The following TNS3 variants were observed in gnomAD, a reference collection of about 807,000 sequenced individuals.
The protein encoded by TNS3 is tensin 3.
A neutral mutation model predicts 140.9 loss-of-function variants in TNS3; 45 were observed. The observed-to-expected ratio is 0.32, with a 90% CI of 0.25 to 0.41. TNS3 has a LOEUF of 0.41. Among genes scored for constraint, TNS3 ranks in the 10% least tolerant of loss-of-function variants. The pLI is 1.00. For synonymous variants in TNS3, 815 were observed against 788.4 expected (o/e 1.03, Z -0.56); for missense variants, 1,716 against 1,906.7 (o/e 0.90, Z 1.86).
chr7:47,383,701 C>T (rs894780968), intron 16 of TNS3, among the ~76,000 whole-genome samples: 2 of 152,170 alleles, frequency 1.3e-5, no homozygotes, highest in Admixed American at 1.3e-4. Context: ...CAGAGGCAGG[C>T]TCTGACCCCA....
At chr7:47,389,542 G>C (rs901418424) in intron 16 of TNS3, among the ~76,000 whole-genome samples, 1 of 152,164 alleles carries the variant, frequency 6.6e-6, no homozygotes, top group Non-Finnish European at 1.5e-5. Flanking sequence ...GAAAAGTAAC[G>C]AACACTTAAT....
At chr7:47,359,593 T>C (rs952278008) in intron 17 of TNS3, among the ~76,000 whole-genome samples, 2 of 152,238 alleles carry the variant, frequency 1.3e-5, no homozygotes, top group African/African-American at 4.8e-5. Flanking sequence ...GAGTATTTTT[T>C]AAACCTGAGG....
At chr7:47,440,791 G>A (rs532520818) in intron 5 of TNS3, among the ~76,000 whole-genome samples, 9 of 152,330 alleles carry the variant, frequency 5.9e-5, no homozygotes, top group East Asian at 3.9e-4. Context: ...TGCACGGGAC[G>A]TGTCCTTAAG....
At chr7:47,558,622 C>G (rs182047246) in intron 1 of TNS3, among the ~76,000 whole-genome samples, 1 of 152,102 alleles carries the variant, frequency 6.6e-6, no homozygotes, top group East Asian at 1.9e-4. Context: ...CCTGTTTCGT[C>G]GATGGAAAAA....
intron 20 of TNS3, among the ~76,000 whole-genome samples, chr7:47,319,105 T>C (rs1787580683): frequency 6.6e-6 from 1 of 152,216 alleles, no homozygotes; most frequent in African/African-American, 2.4e-5. Context: ...GATCATCATT[T>C]TGTCCTACAA....
At chr7:47,413,643 A>G (rs62446319) in intron 12 of TNS3, among the ~76,000 whole-genome samples, 4,928 of 151,964 alleles carry the variant, frequency 0.032, 107 homozygotes, top group Non-Finnish European at 0.052. Flanking sequence ...ACCATACTCC[A>G]AAAAGCAAAT....
intron 20 of TNS3, among the ~76,000 whole-genome samples, chr7:47,343,158 C>T (rs982364184): frequency 6.6e-6 from 1 of 152,190 alleles, no homozygotes; most frequent in African/African-American, 2.4e-5. Context: ...GCAGAGCCAT[C>T]CTCATCCACA....
At chr7:47,408,450 G>A (rs972947525) in intron 13 of TNS3, among the ~76,000 whole-genome samples, 1 of 151,978 alleles carries the variant, frequency 6.6e-6, no homozygotes, top group Admixed American at 6.5e-5. Context: ...ACCATGGGGA[G>A]AGGGCCTATG....
intron 3 of TNS3, among the ~76,000 whole-genome samples, chr7:47,499,437 C>CA (rs1397101588): frequency 2.0e-5 from 3 of 151,864 alleles, no homozygotes; most frequent in Admixed American, 6.6e-5. Context: ...TGACAACTAG[C>CA]AAAAAAGAAA....
intron 2 of TNS3, among the ~76,000 whole-genome samples, chr7:47,527,606 T>A (rs533023877): frequency 6.6e-6 from 1 of 152,232 alleles, no homozygotes; most frequent in East Asian, 1.9e-4. Context: ...AGATATCACC[T>A]AGTGCAGTGC....
At chr7:47,421,805 G>A (rs747599651) in intron 10 of TNS3, among the ~76,000 whole-genome samples, 1 of 152,150 alleles carries the variant, frequency 6.6e-6, no homozygotes, top group Non-Finnish European at 1.5e-5. Context: ...ACTGCTCCAT[G>A]GCGTTTCAGT....
chr7:47,299,849 A>T (rs368876142), intron 23 of TNS3, among the ~76,000 whole-genome samples: 44 of 152,354 alleles, frequency 2.9e-4, no homozygotes, highest in African/African-American at 9.6e-4. Context: ...TGGCACTGGC[A>T]TCGCATTCCT....
intron 13 of TNS3, among the ~76,000 whole-genome samples, chr7:47,409,893 G>A (rs1005848850): frequency 9.2e-5 from 14 of 152,106 alleles, no homozygotes; most frequent in Admixed American, 3.3e-4. Context: ...TCCTGACCTC[G>A]TGATCCGCCC....
chr7:47,496,477 G>A (rs1430875789), intron 3 of TNS3, among the ~76,000 whole-genome samples: 1 of 152,162 alleles, frequency 6.6e-6, no homozygotes, highest in Non-Finnish European at 1.5e-5. Context: ...GCAGGCGGGG[G>A]GAGGTGAGGT....
At chr7:47,461,027 A>G in intron 4 of TNS3, among the ~76,000 whole-genome samples, 1 of 152,230 alleles carries the variant, frequency 6.6e-6, no homozygotes, top group East Asian at 1.9e-4. Flanking sequence ...TTTATTTTCC[A>G]GCTGTTAGAA....
chr7:47,537,413 C>G (rs1021379507), intron 1 of TNS3, among the ~76,000 whole-genome samples: 7 of 152,136 alleles, frequency 4.6e-5, no homozygotes, highest in Non-Finnish European at 8.8e-5. Context: ...CTCCCTCCCC[C>G]GCCCGCCCCA....
chr7:47,300,341 T>C (rs753725129), intron 23 of TNS3, among the ~76,000 whole-genome samples: 2 of 152,202 alleles, frequency 1.3e-5, no homozygotes, highest in East Asian at 1.9e-4. Flanking sequence ...TCGATGCACA[T>C]GTTGGCCATC....
intron 8 of TNS3, among the ~76,000 whole-genome samples, chr7:47,430,846 G>A (rs377439501): frequency 2.6e-5 from 4 of 151,864 alleles, no homozygotes; most frequent in African/African-American, 4.8e-5. Flanking sequence ...TCAGCCTCCC[G>A]AGTAGCTGGG....
chr7:47,470,712 G>A (rs1190697304), intron 4 of TNS3: 39 of 952,644 alleles, frequency 4.1e-5, no homozygotes, highest in Non-Finnish European at 4.9e-5. Flanking sequence ...TGCAGCCCAG[G>A]CCTCCTAGCC....
Sources: gnomAD v4.1 joint callset for allele counts (sites outside exome capture counted in the v4.1 genomes callset) on GRCh38, gnomAD v4.1.1 for gene constraint, MANE v1.5 for transcripts, NCBI Gene and HGNC (gene_info 2026-07-23, HGNC 2026-07-21) for gene names.